Variants in GPHN observed in about 807,000 individuals in gnomAD.
The protein encoded by GPHN is gephyrin.
GPHN carries 17 observed loss-of-function variants against 95.5 expected under a neutral mutation model. That is an observed-to-expected ratio of 0.18 (90% CI 0.12 to 0.27). The LOEUF (loss-of-function observed/expected upper bound fraction) is 0.27, where lower values mean the gene tolerates loss of function less well. GPHN is among the 10% of genes least tolerant of loss of function. The pLI is 1.00. For missense variants in GPHN, 660 were observed against 978.1 expected, an observed-to-expected ratio of 0.67 and a Z score of 4.34; for synonymous variants, 320 against 322.5, an observed-to-expected ratio of 0.99 and a Z score of 0.08.
At chr14:67,506,927 T>A in the GPHN span, among the ~76,000 whole-genome samples, 1 of 152,120 alleles carries the variant, frequency 6.6e-6, no homozygotes, top group African/African-American at 2.4e-5. Context: ...AAGGTTGCAG[T>A]GAGCTGAGAT....
the GPHN span, among the ~76,000 whole-genome samples, chr14:67,565,140 G>C: frequency 6.8e-4 from 103 of 152,220 alleles, 1 homozygote; most frequent in Non-Finnish European, 1.1e-3. Flanking sequence ...CTTGCAAGGA[G>C]TAAGGTGTGG....
At chr14:67,093,008 T>C (rs1482668584) in intron 12 of GPHN, among the ~76,000 whole-genome samples, 1 of 152,206 alleles carries the variant, frequency 6.6e-6, no homozygotes, top group Admixed American at 6.5e-5. Flanking sequence ...AACTCCAAGT[T>C]CAGCTTTCTT....
the GPHN span, among the ~76,000 whole-genome samples, chr14:67,455,527 G>A: frequency 6.6e-6 from 1 of 152,088 alleles, no homozygotes; most frequent in African/African-American, 2.4e-5. Context: ...CACATCATGT[G>A]ATATCTAATT....
At chr14:67,032,540 G>A (rs1038374414) in intron 10 of GPHN, among the ~76,000 whole-genome samples, 2 of 152,122 alleles carry the variant, frequency 1.3e-5, no homozygotes, top group Non-Finnish European at 2.9e-5. Context: ...TACTTTGGAT[G>A]TCTGCGGGCC....
At chr14:67,116,261 CAAAGAAAGAAAAGAAAAAG>C (rs533263143) in intron 16 of GPHN, among the ~76,000 whole-genome samples, 2,559 of 100,848 alleles carry the variant, frequency 0.025, 32 homozygotes, top group Middle Eastern at 0.05. Context: ...CAGAGTGAGA[CAAAGAAAGAAAAGAAAAAG>C]AAAGAAAGAA....
chr14:67,223,868 C>T, the GPHN span: 2 of 985,700 alleles, frequency 2.0e-6, no homozygotes, highest in Non-Finnish European at 2.4e-6. Flanking sequence ...CACCCTGTAC[C>T]CCAAGAAAAG....
At chr14:66,678,383 A>AT (rs2066735154) in intron 1 of GPHN, among the ~76,000 whole-genome samples, 1 of 148,664 alleles carries the variant, frequency 6.7e-6, no homozygotes, top group Non-Finnish European at 1.5e-5. Context: ...TTTCAATTGT[A>AT]TTTTTTTAAT....
the GPHN span, among the ~76,000 whole-genome samples, chr14:67,627,955 T>A: frequency 6.6e-6 from 1 of 152,208 alleles, no homozygotes; most frequent in Non-Finnish European, 1.5e-5. Flanking sequence ...CACTCTGATA[T>A]GTATTTGGAA....
chr14:67,237,953 A>G, the GPHN span, among the ~76,000 whole-genome samples: 1 of 151,636 alleles, frequency 6.6e-6, no homozygotes, highest in East Asian at 1.9e-4. Context: ...TATGCTATCC[A>G]TGTTAGACTC....
chr14:67,392,595 C>T, the GPHN span: 4 of 1,434,772 alleles, frequency 2.8e-6, no homozygotes, highest in Non-Finnish European at 3.9e-6. Flanking sequence ...GGCCCCCAGG[C>T]CCCCATTCTG....
the GPHN span, among the ~76,000 whole-genome samples, chr14:67,318,892 C>T: frequency 6.6e-6 from 1 of 151,932 alleles, no homozygotes; most frequent in African/African-American, 2.4e-5. Context: ...TCCATCTCTA[C>T]TAAAAAATAC....
chr14:66,914,505 C>A (rs2065816789), intron 5 of GPHN, among the ~76,000 whole-genome samples: 1 of 151,990 alleles, frequency 6.6e-6, no homozygotes. Flanking sequence ...AATTATTTTT[C>A]CATATTTTGT....
At chr14:66,576,953 C>G (rs777428487) in intron 1 of GPHN, among the ~76,000 whole-genome samples, 1 of 152,056 alleles carries the variant, frequency 6.6e-6, no homozygotes, top group Non-Finnish European at 1.5e-5. Flanking sequence ...CCATGTTTTC[C>G]TTTTCTTAAA....
chr14:67,072,873 G>C (rs1487510879), intron 11 of GPHN, among the ~76,000 whole-genome samples: 1 of 151,386 alleles, frequency 6.6e-6, no homozygotes, highest in Non-Finnish European at 1.5e-5. Context: ...TTGCAACCCT[G>C]TGACTATAAT....
intron 17 of GPHN, among the ~76,000 whole-genome samples, chr14:67,137,073 C>A (rs2080122083): frequency 6.6e-6 from 1 of 151,984 alleles, no homozygotes; most frequent in African/African-American, 2.4e-5. Context: ...ACGGGAATCA[C>A]TTAAAGCCAG....
At chr14:67,592,934 C>G in the GPHN span, among the ~76,000 whole-genome samples, 1 of 152,098 alleles carries the variant, frequency 6.6e-6, no homozygotes, top group Non-Finnish European at 1.5e-5. Flanking sequence ...TACAGGCGCT[C>G]GCCACCATGC....
chr14:67,645,424 C>T, the GPHN span, among the ~76,000 whole-genome samples: 1 of 152,118 alleles, frequency 6.6e-6, no homozygotes, highest in Non-Finnish European at 1.5e-5. Context: ...TGTCACACTG[C>T]AGGGTAGCAA....
intron 1 of GPHN, among the ~76,000 whole-genome samples, chr14:66,639,404 G>A (rs146487251): frequency 5.7e-4 from 87 of 152,248 alleles, no homozygotes; most frequent in Non-Finnish European, 9.1e-4. Context: ...GAATCAATAT[G>A]TACAAGATGG....
At chr14:66,509,471 G>C (rs1219755442) in intron 1 of GPHN, 1 of 152,266 alleles carries the variant, frequency 6.6e-6, no homozygotes, top group Non-Finnish European at 1.5e-5. Flanking sequence ...CTGCATGTCT[G>C]ATTCCGTTGC....
Sources: gnomAD v4.1 joint callset for allele counts (sites outside exome capture counted in the v4.1 genomes callset) on GRCh38, gnomAD v4.1.1 for gene constraint, MANE v1.5 for transcripts, NCBI Gene and HGNC (gene_info 2026-07-23, HGNC 2026-07-21) for gene names.